MEP1A: variants seen among roughly 807,000 people sequenced by gnomAD.
MEP1A encodes meprin A subunit alpha.
In MEP1A, 68 loss-of-function variants were observed where a neutral mutation model predicts 84.5. The ratio of observed to expected loss-of-function variants is 0.80; its 90% CI spans 0.66 to 0.98. MEP1A has a LOEUF of 0.98. Ranked by LOEUF, MEP1A falls within the 50% of genes least tolerant of loss-of-function variation. MEP1A has a pLI of 0.00. For synonymous variants in MEP1A, 337 were observed against 336.8 expected, an observed-to-expected ratio of 1.00 and a Z score of -0.01; for missense variants, 887 against 919.9, an observed-to-expected ratio of 0.96 and a Z score of 0.46.
chr6:46,827,523 G>A (rs555485990), intron 9 of MEP1A, among the ~76,000 whole-genome samples: 37 of 152,266 alleles, frequency 2.4e-4, no homozygotes, highest in African/African-American at 7.2e-4. Flanking sequence ...TCAAAGACTA[G>A]ACTATTGCAA....
chr6:46,817,299 A>G (rs1366081577), intron 6 of MEP1A, among the ~76,000 whole-genome samples: 1 of 152,192 alleles, frequency 6.6e-6, no homozygotes, highest in East Asian at 1.9e-4. Context: ...TGAAAGAATA[A>G]CTTTGGGGAT....
Position 46,825,375 on chromosome 6 carries a change from C to G in MEP1A, c.660C>G (p.Asn220Lys), listed in dbSNP as rs1388121082. Reference sequence around the variant, plus strand: ...TGCACTACCAGCCTTTCTCATTTAACAAGAATGCAAGTGTTCCCACCATCA... The same window carrying G: ...TGCACTACCAGCCTTTCTCATTTAAGAAGAATGCAAGTGTTCCCACCATCA... ...SLMHYQPFSF[N>K]KNASVPTITA... Residue 220 changes from asparagine (N) to lysine (K), a missense_variant, in exon 8 of 14, where the codon AAC becomes AAG. Physicochemically the swap from Asn to Lys is moderately conservative, Grantham distance 94. Coordinates refer to ENST00000230588, the MANE Select transcript of MEP1A (RefSeq NM_005588.3). The G allele has an allele frequency of 1.2e-6, 2 of 1,613,228 alleles. No homozygotes were observed. Among genetic ancestry groups the G allele is most frequent in the Non-Finnish European group, 1.7e-6 (2 of 1,179,358 alleles).
chr6:46,840,589 C>T (rs1475235836), downstream of MEP1A, among the ~76,000 whole-genome samples: 1 of 152,144 alleles, frequency 6.6e-6, no homozygotes, highest in Non-Finnish European at 1.5e-5. Context: ...CTTGGATTGC[C>T]CATCCAGCTA....
At position 46,793,654 on chromosome 6, in the gene MEP1A, C is replaced by A; in HGVS notation, c.95-12C>A. On this transcript the variant is annotated splice_polypyrimidine_tract_variant and intron_variant, in intron 2 of 13. Coordinates refer to ENST00000230588, the MANE Select transcript of MEP1A (RefSeq NM_005588.3). ...CAAGACTAATAATAATTTTTTTTCT[C>A]ACTTTTAACAGTACATGATGCAGAT... 1 of 1,600,154 alleles carries A rather than the reference C, an allele frequency of 6.2e-7. No individual in the cohort carries two copies. The highest frequency in any genetic ancestry group is 1.1e-5 in the South Asian group (1 of 88,142).
chr6:46,820,453 C>T (rs1483211504), intron 7 of MEP1A, among the ~76,000 whole-genome samples: 2 of 152,134 alleles, frequency 1.3e-5, no homozygotes, highest in African/African-American at 2.4e-5. Context: ...TGCAATGGTG[C>T]GATCTCAGCT....
At position 46,835,548 on chromosome 6, in the gene MEP1A, A is replaced by G; in HGVS notation, c.2083A>G (p.Arg695Gly). The change falls in exon 13 of 14, where the codon AGG becomes GGG. Residue 695 changes from arginine (R) to glycine (G), a missense_variant and splice_region_variant. Coordinates refer to ENST00000230588, the MANE Select transcript of MEP1A (RefSeq NM_005588.3). ...GAACGTGAAGGGGATGGCGAGCTGC[A>G]GGTAGGCTCTGTGGCTGGGGAGACA... ...CVNVKGMASCRCISGHAFFYT... is the reference protein window; with the variant it reads ...CVNVKGMASCGCISGHAFFYT... The G allele has an allele frequency of 1.2e-6, 2 of 1,613,288 alleles. No homozygotes were observed. Among genetic ancestry groups the G allele is most frequent in the Non-Finnish European group, 1.7e-6 (2 of 1,179,672 alleles).
Position 46,834,747 on chromosome 6 carries a change from T to C in MEP1A, c.1779T>C (p.Phe593=), listed in dbSNP as rs1768172651. 2.5e-6 allele frequency: 4 copies of C among 1,610,244 alleles called. No homozygotes were observed. Among genetic ancestry groups the C allele is most frequent in the Non-Finnish European group, 3.4e-6 (4 of 1,178,630 alleles). The change falls in exon 12 of 14, where the codon TTT becomes TTC. Residue 593 remains phenylalanine (F), a synonymous_variant. Coordinates refer to ENST00000230588, the MANE Select transcript of MEP1A (RefSeq NM_005588.3). ...ATGACCTCATCATATTTGTGGACTT[T>C]GAAGGTACTTTTGTTGGTCTTCCTG... ...KNDDLIIFVD[F]EDITHLSQTE...
At chr6:46,821,865 G>A (rs1012677939) in intron 7 of MEP1A, among the ~76,000 whole-genome samples, 5 of 152,018 alleles carry the variant, frequency 3.3e-5, no homozygotes, top group African/African-American at 1.2e-4. Flanking sequence ...CTGCAACCAC[G>A]GGAGAACTGT....
At chr6:46,819,818 C>A in intron 7 of MEP1A, 114 bp downstream of exon 7, 3 of 1,138,438 alleles carry the variant, frequency 2.6e-6, no homozygotes, top group Admixed American at 2.2e-5. Context: ...GGAAGAAAGA[C>A]TCTGAAGAGG....
At chr6:46,809,574 A>C in intron 6 of MEP1A, 37 bp downstream of exon 6, 1 of 1,388,206 alleles carries the variant, frequency 7.2e-7, no homozygotes. Context: ...AATCATGCAT[A>C]CTTTGGTTCG....
intron 11 of MEP1A, 125 bp downstream of exon 11, chr6:46,833,663 G>A: frequency 1.4e-6 from 1 of 717,390 alleles, no homozygotes; most frequent in Non-Finnish European, 2.3e-6. Context: ...CAATAACATA[G>A]TCTTGTTGGA....
At position 46,829,466 on chromosome 6, in the gene MEP1A, T is replaced by A. The variant is rs1768027144; in HGVS notation, c.1039T>A (p.Phe347Ile). 14 of 1,614,028 alleles carry A rather than the reference T, an allele frequency of 8.7e-6. No individual in the cohort carries two copies. Among genetic ancestry groups the A allele is most frequent in the Non-Finnish European group, 1.0e-5 (12 of 1,180,026 alleles). The change falls in exon 10 of 14, where the codon TTC (phenylalanine) becomes ATC (isoleucine). Residue 347 changes from phenylalanine (F) to isoleucine (I), a missense_variant. By Grantham distance (21) the Phe-to-Ile change is conservative. Transcript: ENST00000230588. Reference protein sequence around the residue: ...PKRKQQCLQFFYKMTGSPSDR... With the variant: ...PKRKQQCLQFIYKMTGSPSDR... Reference sequence around the variant, plus strand: ...GAGGAAGCAGCAGTGCCTGCAATTTTTCTATAAAATGACGGGAAGTCCTTC... The same window carrying A: ...GAGGAAGCAGCAGTGCCTGCAATTTATCTATAAAATGACGGGAAGTCCTTC...
At chr6:46,804,979 T>G (rs899216489) in intron 5 of MEP1A, among the ~76,000 whole-genome samples, 2 of 151,876 alleles carry the variant, frequency 1.3e-5, no homozygotes, top group African/African-American at 4.8e-5. Flanking sequence ...CAGTAAAATG[T>G]TCTTGGGATG....
intron 6 of MEP1A, among the ~76,000 whole-genome samples, chr6:46,812,073 A>G (rs980438035): frequency 2.0e-5 from 3 of 152,088 alleles, no homozygotes; most frequent in Non-Finnish European, 2.9e-5. Flanking sequence ...AATGTCTTGT[A>G]TAATTCATCT....
intron 5 of MEP1A, 125 bp downstream of exon 5, chr6:46,799,306 C>T (rs944721177): frequency 1.5e-5 from 10 of 663,422 alleles, no homozygotes; most frequent in African/African-American, 1.4e-4. Context: ...CCTGATGCAT[C>T]TTTATCTAAT....
chr6:46,807,516 G>GA (rs1176462462), intron 5 of MEP1A, among the ~76,000 whole-genome samples: 1 of 20,434 alleles, frequency 4.9e-5, no homozygotes, highest in Non-Finnish European at 1.0e-4. Context: ...CTGAAATAAA[G>GA]AAAGAAAGAA....
At chr6:46,825,022 T>G (rs1336985878) in intron 7 of MEP1A, among the ~76,000 whole-genome samples, 1 of 87,508 alleles carries the variant, frequency 1.1e-5, no homozygotes, top group East Asian at 2.6e-4. Flanking sequence ...ATAAATTATA[T>G]ATTTAAATAG....
chr6:46,828,210 T>C (rs1167022053), intron 9 of MEP1A, among the ~76,000 whole-genome samples: 1 of 150,750 alleles, frequency 6.6e-6, no homozygotes, highest in Non-Finnish European at 1.5e-5. Context: ...AAGAATTACC[T>C]AGAAACCTTT....
intron 3 of MEP1A, among the ~76,000 whole-genome samples, chr6:46,797,916 TTCCTTCCTTCCTTCTTTCCTTCC>T (rs1406002027): frequency 0.12 from 5,388 of 44,412 alleles, 168 homozygotes; most frequent in East Asian, 0.21. Flanking sequence ...CCTTCCTTCC[TTCCTTCCTTCCTTCTTTCCTTCC>T]TTCCTTCCTT....
Sources: gnomAD v4.1 joint callset for allele counts (sites outside exome capture counted in the v4.1 genomes callset) on GRCh38, gnomAD v4.1.1 for gene constraint, MANE v1.5 for transcripts, NCBI Gene and HGNC (gene_info 2026-07-23, HGNC 2026-07-21) for gene names.